Variants in PRR5L observed in about 807,000 individuals in gnomAD.
PRR5L encodes proline-rich protein 5-like.
In PRR5L, 21 loss-of-function variants were observed where a neutral mutation model predicts 36.4. The ratio of observed to expected loss-of-function variants is 0.58; its 90% CI spans 0.41 to 0.83. The LOEUF is 0.83. Among genes scored for constraint, PRR5L ranks in the 40% least tolerant of loss-of-function variants. The pLI is 0.00. For synonymous variants in PRR5L, 188 were observed against 197.0 expected, an observed-to-expected ratio of 0.95 and a Z score of 0.38; for missense variants, 381 against 473.3, an observed-to-expected ratio of 0.80 and a Z score of 1.81.
intron 1 of PRR5L, among the ~76,000 whole-genome samples, chr11:36,351,765 A>T (rs532417709): frequency 1.9e-3 from 70 of 36,872 alleles, no homozygotes; most frequent in African/African-American, 7.1e-3. Context: ...ATATTTATAT[A>T]TTTATATATA....
At position 36,408,950 on chromosome 11, in the gene PRR5L, G is replaced by T. The variant is rs1857969318; in HGVS notation, c.245+5572G>T. ...TTTATTTATTGAATAAATGTGGAGT[G>T]CTCTGCCCAGTACTGGGCTGTATAC... On this transcript the variant is annotated intron_variant, in intron 3 of 8. Transcript: ENST00000530639. Among the ~76,000 whole-genome samples, 3 of 152,170 alleles carry T rather than the reference G, an allele frequency of 2.0e-5. 1 individual carries two copies. The highest frequency in any genetic ancestry group is 4.4e-5 in the Non-Finnish European group (3 of 68,026).
chr11:36,428,346 C>T (rs1300302161), intron 4 of PRR5L, among the ~76,000 whole-genome samples: 1 of 152,212 alleles, frequency 6.6e-6, no homozygotes, highest in Non-Finnish European at 1.5e-5. Context: ...TAAGAATCAA[C>T]TGCAGAGCAC....
intron 1 of PRR5L, among the ~76,000 whole-genome samples, chr11:36,333,337 C>CT (rs1467062285): frequency 1.3e-5 from 2 of 152,120 alleles, no homozygotes; most frequent in Non-Finnish European, 2.9e-5. Flanking sequence ...TCCCATATTG[C>CT]TAAACATACA....
At position 36,462,468 on chromosome 11, in the gene PRR5L, A is replaced by C; in HGVS notation, c.839A>C (p.Tyr280Ser). Residue 280 changes from tyrosine to serine, a missense_variant, in exon 9 of 9, where the codon TAC becomes TCC. Tyr to Ser is a moderately radical substitution (Grantham distance 144). Transcript: ENST00000530639. The stretch of plus-strand genomic sequence containing the variant: ...CTGACAGAGCAGGAGGGGGAAGCCT[A>C]CCTGGAGAAGTGTGGCAGCGTGCGG... ...TPLTEQEGEA[Y>S]LEKCGSVRRH... 1 of 1,608,702 alleles carries C rather than the reference A, an allele frequency of 6.2e-7. No individual in the cohort carries two copies. The highest frequency in any genetic ancestry group is 8.5e-7 in the Non-Finnish European group (1 of 1,177,144).
At chr11:36,444,604 A>T (rs1354442199) in intron 6 of PRR5L, among the ~76,000 whole-genome samples, 1 of 152,230 alleles carries the variant, frequency 6.6e-6, no homozygotes, top group Non-Finnish European at 1.5e-5. Flanking sequence ...ATTCCTAAAT[A>T]ATCAGTTCTG....
intron 1 of PRR5L, among the ~76,000 whole-genome samples, chr11:36,328,919 T>C (rs1437702361): frequency 6.6e-6 from 1 of 152,200 alleles, no homozygotes; most frequent in Non-Finnish European, 1.5e-5. Context: ...ATATTCCATT[T>C]AACCAGTCTT....
At chr11:36,379,183 G>C (rs1015070556) in intron 1 of PRR5L, among the ~76,000 whole-genome samples, 2 of 152,138 alleles carry the variant, frequency 1.3e-5, no homozygotes, top group African/African-American at 4.8e-5. Flanking sequence ...TGTATCTTCA[G>C]CATTAAAGCC....
chr11:36,325,534 T>C (rs1856653413), intron 1 of PRR5L, among the ~76,000 whole-genome samples: 1 of 152,240 alleles, frequency 6.6e-6, no homozygotes, highest in Non-Finnish European at 1.5e-5. Flanking sequence ...GTTTATATCC[T>C]GATCATTGTC....
intron 1 of PRR5L, chr11:36,329,291 C>A (rs1856695753): frequency 6.6e-6 from 1 of 152,084 alleles, no homozygotes; most frequent in South Asian, 2.1e-4. Context: ...TGTGATAAAT[C>A]CTTTGAAGTT....
chr11:36,386,194 G>A (rs896309031), intron 1 of PRR5L, among the ~76,000 whole-genome samples: 2 of 152,160 alleles, frequency 1.3e-5, no homozygotes, highest in African/African-American at 4.8e-5. Flanking sequence ...GGCTGAGGTG[G>A]GAGGATTGCT....
chr11:36,338,322 T>C (rs940279599), intron 1 of PRR5L, among the ~76,000 whole-genome samples: 37 of 152,222 alleles, frequency 2.4e-4, no homozygotes, highest in Admixed American at 1.3e-4. Context: ...TATTTGTCAC[T>C]TTCTCTCCAT....
At chr11:36,301,176 G>A (rs991728986) in intron 1 of PRR5L, 6 of 152,714 alleles carry the variant, frequency 3.9e-5, no homozygotes, top group Non-Finnish European at 7.3e-5. Flanking sequence ...AGCACAGGCC[G>A]GGGTCAAGGG....
At chr11:36,412,015 A>G (rs1294144116) in intron 3 of PRR5L, among the ~76,000 whole-genome samples, 4 of 152,114 alleles carry the variant, frequency 2.6e-5, no homozygotes, top group Non-Finnish European at 4.4e-5. Context: ...ATGAGGATTA[A>G]CCCATTTTAC....
At chr11:36,333,350 T>G (rs1211737084) in intron 1 of PRR5L, among the ~76,000 whole-genome samples, 4 of 152,150 alleles carry the variant, frequency 2.6e-5, no homozygotes, top group African/African-American at 4.8e-5. Context: ...AACATACACC[T>G]ACCATACGAC....
chr11:36,302,510 G>T (rs1055065333), intron 1 of PRR5L, among the ~76,000 whole-genome samples: 1 of 152,190 alleles, frequency 6.6e-6, no homozygotes, highest in African/African-American at 2.4e-5. Flanking sequence ...GCTCAGCTGG[G>T]TGCGGGGGCT....
rs1856434215 is a variant in PRR5L at position 36,306,547 on chromosome 11, A to C, written c.-126+10109A>C. 2.0e-5 allele frequency among the ~76,000 whole-genome samples: 3 copies of C among 152,164 alleles called. No homozygotes were observed. In the South Asian group the frequency reaches 6.2e-4, roughly 32 times the overall value. On this transcript the variant is annotated intron_variant, in intron 1 of 8. Coordinates refer to ENST00000530639, the MANE Select transcript of PRR5L (RefSeq NM_001160167.2). ...TGAGTAGTGGGTGCTGGCACTTTGA[A>C]TCTATGTACCTACTACCTTCGTTGT...
chr11:36,320,740 T>C (rs1218197993), intron 1 of PRR5L, among the ~76,000 whole-genome samples: 1 of 152,262 alleles, frequency 6.6e-6, no homozygotes, highest in Non-Finnish European at 1.5e-5. Flanking sequence ...AATCTTTGTT[T>C]AGTCTTTTTC....
rs116584492 is a variant in PRR5L, at chr11:36,375,429, C to T, written c.-125-25568C>T. ...CTTCAACCCGCTCTCATGCCCACAA[C>T]CACCGTAACACATAGGTTTTGTAGG... On this transcript the variant is annotated intron_variant, in intron 1 of 8. Coordinates refer to ENST00000530639, the MANE Select transcript of PRR5L (RefSeq NM_001160167.2). Among the ~76,000 whole-genome samples, 729 of 152,204 alleles carry T rather than the reference C, an allele frequency of 4.8e-3. 7 individuals carry two copies. Among genetic ancestry groups the T allele is most frequent in the African/African-American group, 0.017 (686 of 41,498 alleles).
At chr11:36,334,067 A>G (rs1856745442) in intron 1 of PRR5L, among the ~76,000 whole-genome samples, 1 of 152,158 alleles carries the variant, frequency 6.6e-6, no homozygotes, top group Admixed American at 6.5e-5. Flanking sequence ...GGAAGGGCCA[A>G]AGAAAACGAA....
Sources: allele counts gnomAD v4.1 joint callset (sites outside exome capture counted in the v4.1 genomes callset), GRCh38; gene constraint gnomAD v4.1.1; transcripts MANE v1.5; gene names NCBI Gene and HGNC (gene_info 2026-07-23, HGNC 2026-07-21).